The following RTTN variants were observed in gnomAD, a reference collection of about 807,000 sequenced individuals.
RTTN encodes the protein rotatin.
Under a neutral mutation model 269.2 loss-of-function variants are expected in RTTN, and 182 were observed. The observed-to-expected ratio is 0.68, with a 90% CI of 0.60 to 0.76. The LOEUF (loss-of-function observed/expected upper bound fraction) is 0.76, where lower values mean the gene tolerates loss of function less well. Ranked by LOEUF, RTTN falls within the 30% of genes least tolerant of loss-of-function variation. RTTN has a pLI of 0.00. For synonymous variants in RTTN, 1,006 were observed against 963.5 expected, an observed-to-expected ratio of 1.04 and a Z score of -0.82; for missense variants, 2,545 against 2,608.6, an observed-to-expected ratio of 0.98 and a Z score of 0.53.
At chr18:70,010,853 A>G (rs979420537) in intron 46 of RTTN, among the ~76,000 whole-genome samples, 2 of 151,558 alleles carry the variant, frequency 1.3e-5, no homozygotes, top group South Asian at 2.1e-4. Context: ...TGACTAATAA[A>G]GAAGAAAAGA....
chr18:70,029,918 G>A, intron 42 of RTTN, 94 bp downstream of exon 42: 1 of 821,018 alleles, frequency 1.2e-6, no homozygotes, highest in South Asian at 1.7e-5. Flanking sequence ...TCTTCTAAAT[G>A]AGACACTCAT....
intron 29 of RTTN, 42 bp from the exon 30 acceptor site, chr18:70,092,262 T>C: frequency 7.9e-7 from 1 of 1,262,682 alleles, no homozygotes; most frequent in Non-Finnish European, 1.2e-6. Flanking sequence ...GAGGTAAGTT[T>C]CTAAAAATAA....
At chr18:70,100,887 C>A (rs1202851677) in intron 28 of RTTN, among the ~76,000 whole-genome samples, 1 of 152,058 alleles carries the variant, frequency 6.6e-6, no homozygotes, top group Non-Finnish European at 1.5e-5. Context: ...GTTTATTGAT[C>A]TGTGCATGTT....
intron 21 of RTTN, among the ~76,000 whole-genome samples, chr18:70,137,981 TAA>T (rs547927701): frequency 1.1e-3 from 166 of 152,288 alleles, no homozygotes; most frequent in African/African-American, 3.7e-3. Context: ...AGCAGCTGGT[TAA>T]AAATTAATTT....
At chr18:70,199,313 CTGCCACT>C in intron 5 of RTTN, 94 bp downstream of exon 5, 1 of 701,446 alleles carries the variant, frequency 1.4e-6, no homozygotes, top group Non-Finnish European at 2.4e-6. Context: ...CTACCTTTCA[CTGCCACT>C]AGTATCTTTT....
At chr18:70,026,396 G>A (rs2056854302) in intron 43 of RTTN, among the ~76,000 whole-genome samples, 2 of 152,118 alleles carry the variant, frequency 1.3e-5, no homozygotes, top group Admixed American at 6.5e-5. Flanking sequence ...AAGACAGTGA[G>A]TGATCTCATG....
rs200279763 is a variant in RTTN, at chr18:70,109,491, T to C, written c.3903+7A>G. 1.7e-5 allele frequency: 27 copies of C among 1,611,664 alleles called. No individual in the cohort carries two copies. In the East Asian group the frequency reaches 5.8e-4, roughly 35 times the overall value. On this transcript the variant is annotated splice_region_variant and intron_variant, in intron 28 of 48. Coordinates refer to ENST00000640769, the MANE Select transcript of RTTN (RefSeq NM_173630.4). Reference sequence around the variant, plus strand: ...GTAAATAACTACCATATGCTATTTTTACTTACCTCAAGGAGACCTGACAAG... The same window carrying C: ...GTAAATAACTACCATATGCTATTTTCACTTACCTCAAGGAGACCTGACAAG...
chr18:70,011,953 G>C (rs1293013670), intron 46 of RTTN, among the ~76,000 whole-genome samples: 1 of 151,624 alleles, frequency 6.6e-6, no homozygotes, highest in Non-Finnish European at 1.5e-5. Flanking sequence ...ACTGGTATTG[G>C]TTACAGGGCA....
At chr18:70,148,788 A>G (rs2060461715) in intron 17 of RTTN, 113 bp downstream of exon 17, 6 of 1,297,948 alleles carry the variant, frequency 4.6e-6, no homozygotes, top group Non-Finnish European at 6.5e-6. Flanking sequence ...TAGTAATGGA[A>G]TAACACCCTC....
chr18:70,086,549 T>A, intron 32 of RTTN, 64 bp downstream of exon 32: 1 of 1,239,600 alleles, frequency 8.1e-7, no homozygotes, highest in African/African-American at 1.5e-5. Flanking sequence ...CTACTTATAC[T>A]GAAAATTTAT....
intron 17 of RTTN, 75 bp from the exon 18 acceptor site, chr18:70,145,858 G>C (rs751509590): frequency 3.2e-5 from 36 of 1,127,650 alleles, no homozygotes; most frequent in Admixed American, 7.4e-5. Context: ...GTAATTACAA[G>C]TAATTATATA....
chr18:70,005,202 C>T lies in RTTN; in HGVS notation c.6591G>A (p.Lys2197=), dbSNP rs758919677. 1.9e-6 allele frequency: 3 copies of T among 1,605,952 alleles called. No individual in the cohort carries two copies. In the Admixed American group the frequency reaches 5.1e-5, roughly 27 times the overall value. The change falls in exon 48 of 49, where the codon AAG becomes AAA. Residue 2197 remains lysine, a synonymous_variant. Transcript: ENST00000640769. ...CTCTTTCTTATTGCAACTTACTTTT[C>T]TTTGCTAAGGAGTATGCTTCATCCA... is the stretch of plus-strand genomic sequence containing the variant. ...RRVDEAYSLA[K]KTFPNSEANP... is the part of the protein sequence containing the mutation.
intron 10 of RTTN, among the ~76,000 whole-genome samples, chr18:70,179,149 G>A (rs975537724): frequency 1.3e-5 from 2 of 152,058 alleles, no homozygotes; most frequent in African/African-American, 4.8e-5. Context: ...ACCGAAAGTA[G>A]AACAATCCTT....
chr18:70,014,242 T>C (rs1037222966), intron 46 of RTTN, among the ~76,000 whole-genome samples: 1 of 152,236 alleles, frequency 6.6e-6, no homozygotes, highest in African/African-American at 2.4e-5. Context: ...TGAAGTTCTG[T>C]TTGGTTCTTT....
At chr18:70,196,207 T>A (rs769752543) in intron 7 of RTTN, among the ~76,000 whole-genome samples, 1 of 151,614 alleles carries the variant, frequency 6.6e-6, no homozygotes, top group South Asian at 2.1e-4. Context: ...ATACCAAATA[T>A]CCGAGTCACT....
At chr18:70,195,812 A>T (rs1035519126) in intron 7 of RTTN, among the ~76,000 whole-genome samples, 2 of 152,248 alleles carry the variant, frequency 1.3e-5, no homozygotes, top group Non-Finnish European at 2.9e-5. Flanking sequence ...TCATTTGTAC[A>T]ATGCCATACC....
At chr18:70,045,361 C>A (rs1568290717) in intron 40 of RTTN, among the ~76,000 whole-genome samples, 1 of 152,132 alleles carries the variant, frequency 6.6e-6, no homozygotes, top group East Asian at 1.9e-4. Context: ...CCTAAGGTCC[C>A]ATATCAAATG....
Position 70,204,276 on chromosome 18 carries a change from G to A in RTTN, c.220-13C>T. 1.3e-6 allele frequency: 2 copies of A among 1,592,308 alleles called. No individual in the cohort carries two copies. The highest frequency in any genetic ancestry group is 1.7e-6 in the Non-Finnish European group (2 of 1,171,508). On this transcript the variant is annotated splice_polypyrimidine_tract_variant and intron_variant, in intron 2 of 48. Transcript: ENST00000640769. The stretch of plus-strand genomic sequence containing the variant: ...CTGCTGGGGGATACTAAAATAAGAA[G>A]AGGATGATCTTGAGAATAACTGTAT...
intron 14 of RTTN, among the ~76,000 whole-genome samples, chr18:70,165,060 T>C (rs1251999263): frequency 2.0e-5 from 3 of 152,184 alleles, no homozygotes; most frequent in Admixed American, 2.0e-4. Context: ...GCCAAATTAC[T>C]ATTCAAAATA....
Sources: allele counts gnomAD v4.1 joint callset (sites outside exome capture counted in the v4.1 genomes callset), GRCh38; gene constraint gnomAD v4.1.1; transcripts MANE v1.5; gene names NCBI Gene and HGNC (gene_info 2026-07-23, HGNC 2026-07-21).